TAFA4: variants seen among roughly 807,000 people sequenced by gnomAD.
TAFA4 encodes the protein chemokine-like protein TAFA-4.
TAFA4 carries 20 observed loss-of-function variants against 21.1 expected under a neutral mutation model. That is an observed-to-expected ratio of 0.95 (90% CI 0.67 to 1.38). TAFA4 has a LOEUF of 1.38. Among genes scored for constraint, TAFA4 ranks in the 40% most tolerant of loss-of-function variants. The pLI is 0.00. For missense variants in TAFA4, 211 were observed against 180.9 expected, an observed-to-expected ratio of 1.17 and a Z score of -0.95; for synonymous variants, 71 against 67.4, an observed-to-expected ratio of 1.05 and a Z score of -0.26.
At position 68,824,897 on chromosome 3, in the gene TAFA4, C is replaced by T. The variant is rs150563836; in HGVS notation, c.130+55833G>A. On this transcript the variant is annotated intron_variant, in intron 3 of 5. Transcript: ENST00000295569. ...TTTACGCGTACGGGATTTTCTTACC[C>T]TTTAATTTCTCAACTCGCTGTCCGA... 3.0e-4 allele frequency among the ~76,000 whole-genome samples: 45 copies of T among 152,250 alleles called. 1 individual carries two copies. In the East Asian group the frequency reaches 8.5e-3, roughly 29 times the overall value.
intron 3 of TAFA4, among the ~76,000 whole-genome samples, chr3:68,842,055 T>C (rs1286021036): frequency 6.6e-6 from 1 of 152,228 alleles, no homozygotes; most frequent in Non-Finnish European, 1.5e-5. Context: ...CCTTTGGGTA[T>C]ATACACAGTA....
intron 5 of TAFA4, among the ~76,000 whole-genome samples, chr3:68,735,409 G>T (rs72932002): frequency 0.016 from 2,500 of 152,214 alleles, 76 homozygotes; most frequent in African/African-American, 0.057. Flanking sequence ...GGTGAGAACA[G>T]GTAGAGAGCT....
intron 3 of TAFA4, among the ~76,000 whole-genome samples, chr3:68,820,843 T>TA (rs1360226474): frequency 1.3e-5 from 2 of 152,182 alleles, no homozygotes; most frequent in Non-Finnish European, 2.9e-5. Flanking sequence ...ACTTGTCAAT[T>TA]AAAAAAATTA....
intron 3 of TAFA4, among the ~76,000 whole-genome samples, chr3:68,836,222 G>A (rs1667603915): frequency 6.6e-6 from 1 of 152,208 alleles, no homozygotes; most frequent in African/African-American, 2.4e-5. Flanking sequence ...AAGGAGATGG[G>A]GTTTTTGCTG....
chr3:68,737,812 G>C (rs535313002), intron 5 of TAFA4, among the ~76,000 whole-genome samples: 2 of 152,144 alleles, frequency 1.3e-5, no homozygotes, highest in Admixed American at 1.3e-4. Context: ...AGAAAGGCAA[G>C]AAGCCATTCA....
chr3:68,846,644 A>G (rs1445225802), intron 3 of TAFA4, among the ~76,000 whole-genome samples: 1 of 152,060 alleles, frequency 6.6e-6, no homozygotes, highest in Non-Finnish European at 1.5e-5. Flanking sequence ...TTTTTTCCTC[A>G]TCTTCGTGGA....
chr3:68,753,327 T>C (rs1702594957), intron 3 of TAFA4, among the ~76,000 whole-genome samples: 1 of 140,408 alleles, frequency 7.1e-6, no homozygotes, highest in African/African-American at 2.7e-5. Flanking sequence ...TGACTGAGAT[T>C]GATAGAGTTT....
At chr3:68,750,319 T>C (rs1396103275) in intron 4 of TAFA4, among the ~76,000 whole-genome samples, 3 of 152,172 alleles carry the variant, frequency 2.0e-5, no homozygotes, top group Non-Finnish European at 4.4e-5. Flanking sequence ...GGAAGACGAA[T>C]GGCTAAATAA....
chr3:68,732,389 A>T lies in TAFA4; in HGVS notation c.*753T>A, dbSNP rs1359336803. 1 of 152,634 alleles carries T rather than the reference A, an allele frequency of 6.6e-6. No homozygotes were observed. Among genetic ancestry groups the T allele is most frequent in the Non-Finnish European group, 1.5e-5 (1 of 68,028 alleles). 9.5% of individuals were successfully genotyped at this position (152,634 alleles called of 1,614,324 possible). A position where few individuals can be genotyped will look rare whatever the true frequency, so the allele number is the denominator to read the frequency against. On this transcript the variant is annotated 3_prime_UTR_variant, in exon 6 of 6. Transcript: ENST00000295569. ...TACATGACTACACAAAAGCCGTAAA[A>T]ATTCCAACAAGTTTTATAAATATGT...
At position 68,853,006 on chromosome 3, in the gene TAFA4, C is replaced by G. The variant is rs114123580; in HGVS notation, c.130+27724G>C. Among the ~76,000 whole-genome samples the G allele has an allele frequency of 4.2e-3, 639 of 152,220 alleles. 4 individuals carry two copies. The highest frequency in any genetic ancestry group is 6.8e-3 in the Middle Eastern group (2 of 294). The stretch of plus-strand genomic sequence containing the variant: ...TGAAGTAATTCCTCCTTAATAAACT[C>G]TTCTCTCTTCTCAGGAAAACTGAGG... On this transcript the variant is annotated intron_variant, in intron 3 of 5. Transcript: ENST00000295569.
intron 1 of TAFA4, among the ~76,000 whole-genome samples, chr3:68,899,140 T>C (rs969918415): frequency 1.2e-4 from 19 of 152,180 alleles, no homozygotes; most frequent in Admixed American, 6.6e-5. Context: ...GTAAACTTTA[T>C]GAAATAAATG....
intron 4 of TAFA4, among the ~76,000 whole-genome samples, 192 bp from the exon 5 acceptor site, chr3:68,739,391 A>C (rs1702305362): frequency 6.6e-6 from 1 of 152,214 alleles, no homozygotes; most frequent in Middle Eastern, 3.2e-3. Context: ...TTTTAAAAGC[A>C]ACAGATGTTG....
At chr3:68,854,541 C>A (rs1705023643) in intron 3 of TAFA4, among the ~76,000 whole-genome samples, 1 of 152,062 alleles carries the variant, frequency 6.6e-6, no homozygotes, top group African/African-American at 2.4e-5. Flanking sequence ...GGGCAAGCAC[C>A]AAGTCTTAGG....
chr3:68,757,987 T>C (rs1288650528), intron 3 of TAFA4, among the ~76,000 whole-genome samples: 1 of 152,190 alleles, frequency 6.6e-6, no homozygotes, highest in Admixed American at 6.5e-5. Context: ...TAGGTACTGT[T>C]TTTTACTCCG....
intron 3 of TAFA4, among the ~76,000 whole-genome samples, chr3:68,838,401 GT>G (rs1704574364): frequency 6.6e-6 from 1 of 152,164 alleles, no homozygotes; most frequent in African/African-American, 2.4e-5. Flanking sequence ...AACACCAAAT[GT>G]TTTTGAAGCA....
rs1479034118 is a variant in TAFA4 at position 68,732,181 on chromosome 3, ACACAGAAGT to A, written c.*952_*960del. 2.6e-5 allele frequency: 4 copies of A among 152,616 alleles called. No individual in the cohort carries two copies. Among genetic ancestry groups the A allele is most frequent in the Admixed American group, 6.5e-5 (1 of 15,268 alleles). 9.5% of individuals were successfully genotyped at this position (152,616 alleles called of 1,614,324 possible). ...AGATTTTAAAGAAATAAGATGGCTA[ACACAGAAGT>A]CACAGAAGTAGGGAAACAGCTAAGT... On this transcript the variant is annotated 3_prime_UTR_variant, in exon 6 of 6. Transcript: ENST00000295569.
At chr3:68,737,431 A>G (rs1702264881) in intron 5 of TAFA4, among the ~76,000 whole-genome samples, 1 of 152,168 alleles carries the variant, frequency 6.6e-6, no homozygotes, top group South Asian at 2.1e-4. Context: ...TGCTCTGGAC[A>G]TAAAAGCAGA....
At chr3:68,878,055 T>C (rs755209588) in intron 3 of TAFA4, among the ~76,000 whole-genome samples, 2 of 152,220 alleles carry the variant, frequency 1.3e-5, no homozygotes, top group Non-Finnish European at 2.9e-5. Context: ...GGTTTGACTT[T>C]AGACCCCCCA....
chr3:68,742,813 G>T (rs1438971186), intron 4 of TAFA4, among the ~76,000 whole-genome samples: 1 of 152,220 alleles, frequency 6.6e-6, no homozygotes, highest in Non-Finnish European at 1.5e-5. Flanking sequence ...AGGTCACAGA[G>T]TCTGAAAACA....
Sources: gnomAD v4.1 joint callset for allele counts (sites outside exome capture counted in the v4.1 genomes callset) on GRCh38, gnomAD v4.1.1 for gene constraint, MANE v1.5 for transcripts, NCBI Gene and HGNC (gene_info 2026-07-23, HGNC 2026-07-21) for gene names.